TCEA1: variants seen among roughly 807,000 people sequenced by gnomAD.
TCEA1 encodes the protein transcription elongation factor A1, also known as transcription elongation factor A protein 1.
TCEA1 carries 21 observed loss-of-function variants against 43.8 expected under a neutral mutation model. The observed-to-expected ratio is 0.48, with a 90% CI of 0.34 to 0.69. The LOEUF is 0.69. Among genes scored for constraint, TCEA1 ranks in the 30% least tolerant of loss-of-function variants. The probability of loss-of-function intolerance (pLI) is 0.01; values close to 1 mark genes in which losing one functional copy is unlikely to be tolerated. For synonymous variants in TCEA1, 104 were observed against 117.5 expected, an observed-to-expected ratio of 0.88 and a Z score of 0.75; for missense variants, 250 against 365.1, an observed-to-expected ratio of 0.68 and a Z score of 2.57.
At chr8:54,021,667 T>C (rs1805037408) in intron 1 of TCEA1, 1 of 169,758 alleles carries the variant, frequency 5.9e-6, no homozygotes, top group African/African-American at 2.4e-5. Flanking sequence ...TTGATGCTCT[T>C]TCTAGATGTT....
At chr8:54,015,850 A>G (rs1586040731) in intron 1 of TCEA1, among the ~76,000 whole-genome samples, 1 of 152,210 alleles carries the variant, frequency 6.6e-6, no homozygotes, top group East Asian at 1.9e-4. Flanking sequence ...ACTCTTTTCT[A>G]AAAAATGGGC....
In TCEA1 at chr8:53,979,185, G is replaced by A. The variant is rs1563470041; in HGVS notation, c.679-14C>T. On this transcript the variant is annotated splice_polypyrimidine_tract_variant and intron_variant, in intron 7 of 9. Coordinates refer to ENST00000521604, the MANE Select transcript of TCEA1 (RefSeq NM_006756.4). ...ACTAGCCATTTCCTATGAGGTAGGG[G>A]GCAATACCACTCAGTTATAGACACC... 2 of 1,609,288 alleles carry A rather than the reference G, an allele frequency of 1.2e-6. No individual in the cohort carries two copies. The highest frequency in any genetic ancestry group is 2.2e-5 in the South Asian group (2 of 90,640).
intron 8 of TCEA1, chr8:53,973,132 A>G: frequency 1.7e-6 from 1 of 601,350 alleles, no homozygotes; most frequent in East Asian, 3.6e-5. Context: ...CAAGGTGATG[A>G]TGAAGTCAAT....
intron 6 of TCEA1, among the ~76,000 whole-genome samples, chr8:53,984,990 G>A (rs1303930654): frequency 2.0e-5 from 3 of 152,068 alleles, no homozygotes; most frequent in Non-Finnish European, 4.4e-5. Flanking sequence ...TGTAATTGGC[G>A]AATAATAGTG....
chr8:53,973,477 A>T (rs763440223), intron 8 of TCEA1: 5 of 494,708 alleles, frequency 1.0e-5, no homozygotes, highest in South Asian at 1.7e-5. Context: ...AAAGAAGTTT[A>T]AAAAAATAGG....
chr8:53,990,419 G>A (rs1363638062), intron 4 of TCEA1, among the ~76,000 whole-genome samples: 1 of 150,030 alleles, frequency 6.7e-6, no homozygotes, highest in Non-Finnish European at 1.5e-5. Context: ...CTGGAGTGCA[G>A]TGAAACAACC....
intron 2 of TCEA1, chr8:54,003,059 T>A (rs1160104451): frequency 2.2e-6 from 1 of 456,052 alleles, no homozygotes; most frequent in African/African-American, 2.0e-5. Flanking sequence ...ACTCATGAGT[T>A]TTTGCCAAGA....
intron 4 of TCEA1, among the ~76,000 whole-genome samples, chr8:53,989,403 T>C (rs1255308585): frequency 6.6e-6 from 1 of 152,206 alleles, no homozygotes; most frequent in Non-Finnish European, 1.5e-5. Context: ...CCACCATCCA[T>C]AGATGTGGTT....
At position 53,997,069 on chromosome 8, in the gene TCEA1, C is replaced by T. The variant is rs908358913; in HGVS notation, c.232+2876G>A. On this transcript the variant is annotated intron_variant, in intron 3 of 9. Transcript: ENST00000521604. ...TACAGGTGCTCACCATCACACTCAG[C>T]TAATTTTTTTGTATTTTTTTAGTAG... 5.9e-5 allele frequency among the ~76,000 whole-genome samples: 9 copies of T among 151,842 alleles called. No homozygotes were observed. The East Asian group carries it at 1.7e-3, about 29-fold the overall frequency.
chr8:53,974,533 G>C (rs1168219000), intron 8 of TCEA1, among the ~76,000 whole-genome samples: 3 of 147,122 alleles, frequency 2.0e-5, no homozygotes, highest in Non-Finnish European at 3.0e-5. Flanking sequence ...TAGTGGGGGT[G>C]GGGGTGGGGG....
chr8:53,989,751 AT>A (rs977121809), intron 4 of TCEA1, among the ~76,000 whole-genome samples: 48 of 148,590 alleles, frequency 3.2e-4, no homozygotes, highest in South Asian at 8.5e-4. Context: ...CCCATTTATT[AT>A]TTTTTTTTTT....
chr8:53,996,901 G>GTTTTTTTTTTTTTT (rs1563494161), intron 3 of TCEA1, among the ~76,000 whole-genome samples: 18 of 90,172 alleles, frequency 2.0e-4, no homozygotes, highest in East Asian at 1.8e-3. Flanking sequence ...AAAGAAGGTT[G>GTTTTTTTTTTTTTT]TCTTTTTTTT....
intron 3 of TCEA1, among the ~76,000 whole-genome samples, chr8:53,996,576 TA>T (rs1336009799): frequency 1.3e-5 from 2 of 152,156 alleles, no homozygotes; most frequent in Non-Finnish European, 2.9e-5. Flanking sequence ...GGCAGAAAGA[TA>T]TCCATCAAGA....
At chr8:53,998,237 A>G (rs1290620643) in intron 3 of TCEA1, among the ~76,000 whole-genome samples, 1 of 152,226 alleles carries the variant, frequency 6.6e-6, no homozygotes, top group Non-Finnish European at 1.5e-5. Context: ...TAAGGTCTGT[A>G]GACTGTATCA....
intron 8 of TCEA1, among the ~76,000 whole-genome samples, chr8:53,975,205 TAGTTTTTAC>T (rs1266177652): frequency 1.3e-5 from 2 of 152,182 alleles, no homozygotes; most frequent in Non-Finnish European, 2.9e-5. Flanking sequence ...GAGCATAAAA[TAGTTTTTAC>T]AGTACTTAAT....
chr8:53,979,909 C>T (rs1416888912), intron 7 of TCEA1, among the ~76,000 whole-genome samples: 1 of 152,184 alleles, frequency 6.6e-6, no homozygotes, highest in Non-Finnish European at 1.5e-5. Flanking sequence ...CCCAATCAAT[C>T]AGCAGCACCC....
At chr8:54,012,726 T>G (rs1410371853) in intron 1 of TCEA1, among the ~76,000 whole-genome samples, 1 of 152,036 alleles carries the variant, frequency 6.6e-6, no homozygotes, top group Non-Finnish European at 1.5e-5. Flanking sequence ...GGGTTTTGAT[T>G]AACAAACTCT....
chr8:54,004,050 T>TA (rs1804362105), intron 2 of TCEA1, among the ~76,000 whole-genome samples: 1 of 152,100 alleles, frequency 6.6e-6, no homozygotes, highest in Non-Finnish European at 1.5e-5. Flanking sequence ...TCAACATCCT[T>TA]AGACATTATG....
In TCEA1 at chr8:53,995,294, C is replaced by CAA. The variant is rs925755044; in HGVS notation, c.233-1541_233-1540dup. ...TGGGTGACAGAGTGAGACTCTGTCTCAAAAAAAAAAAAAAAAAAAAAGAAA... is the reference window on the plus strand; with the variant it reads ...TGGGTGACAGAGTGAGACTCTGTCTCAAAAAAAAAAAAAAAAAAAAAAAGAAA... On this transcript the variant is annotated intron_variant, in intron 3 of 9. Coordinates refer to ENST00000521604, the MANE Select transcript of TCEA1 (RefSeq NM_006756.4). Among the ~76,000 whole-genome samples, 231 of 57,432 alleles carry CAA rather than the reference C, an allele frequency of 4.0e-3. 1 individual carries two copies. Among genetic ancestry groups the CAA allele is most frequent in the African/African-American group, 6.5e-3 (101 of 15,438 alleles). The allele number at this position is 57,432 out of a possible 152,430, so 37.7% of individuals were successfully genotyped here.
Sources: allele counts gnomAD v4.1 joint callset (sites outside exome capture counted in the v4.1 genomes callset), GRCh38; gene constraint gnomAD v4.1.1; transcripts MANE v1.5; gene names NCBI Gene and HGNC (gene_info 2026-07-23, HGNC 2026-07-21).